GRM7: variants seen among roughly 807,000 people sequenced by gnomAD.
GRM7 encodes glutamate metabotropic receptor 7, also known as metabotropic glutamate receptor 7.
GRM7 carries 35 observed loss-of-function variants against 84.5 expected under a neutral mutation model. The observed-to-expected ratio is 0.41, with a 90% CI of 0.32 to 0.55. The LOEUF (loss-of-function observed/expected upper bound fraction) is 0.55. GRM7 is among the 20% of genes least tolerant of loss of function. The pLI, the probability that GRM7 is intolerant of heterozygous loss-of-function variation, is 0.19. For missense variants in GRM7, 1,003 were observed against 1,194.6 expected (o/e 0.84, Z 2.36); for synonymous variants, 487 against 455.1 (o/e 1.07, Z -0.89).
At chr3:7,135,540 G>C (rs771307302) in intron 1 of GRM7, among the ~76,000 whole-genome samples, 1 of 152,068 alleles carries the variant, frequency 6.6e-6, no homozygotes, top group African/African-American at 2.4e-5. Context: ...TTGCAGTTTT[G>C]TACTGCCCAC....
intron 4 of GRM7, among the ~76,000 whole-genome samples, chr3:7,389,429 T>G (rs1694905950): frequency 6.6e-6 from 1 of 152,132 alleles, no homozygotes; most frequent in Non-Finnish European, 1.5e-5. Flanking sequence ...GTTCTCTGCT[T>G]TGATTATTTG....
chr3:7,639,745 A>C (rs913712745), intron 8 of GRM7, among the ~76,000 whole-genome samples: 1 of 152,188 alleles, frequency 6.6e-6, no homozygotes, highest in Non-Finnish European at 1.5e-5. Flanking sequence ...TGAAATGTAC[A>C]AGTCTTAAAT....
At chr3:7,541,717 G>T (rs1171261317) in intron 7 of GRM7, among the ~76,000 whole-genome samples, 1 of 152,156 alleles carries the variant, frequency 6.6e-6, no homozygotes, top group Non-Finnish European at 1.5e-5. Flanking sequence ...TCCCTTGGCT[G>T]CCTTGGCTTG....
intron 1 of GRM7, among the ~76,000 whole-genome samples, chr3:6,933,648 C>T (rs1467606783): frequency 6.6e-6 from 1 of 151,898 alleles, no homozygotes; most frequent in Non-Finnish European, 1.5e-5. Context: ...TTTAAGTCCT[C>T]TCCTTGAAAG....
intron 9 of GRM7, among the ~76,000 whole-genome samples, chr3:7,735,842 G>T (rs1222928582): frequency 6.6e-6 from 1 of 152,080 alleles, no homozygotes; most frequent in Non-Finnish European, 1.5e-5. Flanking sequence ...TATATTAAAG[G>T]CTTTTGAAAT....
At chr3:7,407,748 A>G (rs879617188) in intron 4 of GRM7, among the ~76,000 whole-genome samples, 4 of 152,262 alleles carry the variant, frequency 2.6e-5, no homozygotes, top group African/African-American at 9.6e-5. Context: ...TAGACTTAGC[A>G]TAAGTCAAGT....
At chr3:7,405,915 CA>C (rs1346426863) in intron 4 of GRM7, among the ~76,000 whole-genome samples, 2 of 151,778 alleles carry the variant, frequency 1.3e-5, no homozygotes, top group Non-Finnish European at 2.9e-5. Flanking sequence ...TTGACACTGA[CA>C]TTCATTGTTA....
intron 1 of GRM7, among the ~76,000 whole-genome samples, chr3:6,921,313 T>C (rs780233159): frequency 6.6e-6 from 1 of 152,160 alleles, no homozygotes; most frequent in Non-Finnish European, 1.5e-5. Flanking sequence ...GCAATTTCCA[T>C]GAGAGCCTTC....
At chr3:6,893,939 A>T (rs1424214421) in intron 1 of GRM7, 1 of 152,118 alleles carries the variant, frequency 6.6e-6, no homozygotes, top group African/African-American at 2.4e-5. Context: ...CTCCTTTAGC[A>T]TTTTCTATTA....
At chr3:6,878,176 G>T (rs1016051586) in intron 1 of GRM7, among the ~76,000 whole-genome samples, 12 of 151,954 alleles carry the variant, frequency 7.9e-5, no homozygotes, top group Non-Finnish European at 8.8e-5. Context: ...ATTTCTCTTT[G>T]TATTTACATT....
intron 1 of GRM7, among the ~76,000 whole-genome samples, chr3:7,019,504 C>T (rs1464913865): frequency 6.6e-6 from 1 of 152,132 alleles, no homozygotes; most frequent in East Asian, 1.9e-4. Flanking sequence ...CTCATGTCTC[C>T]CGACAAATAT....
intron 8 of GRM7, among the ~76,000 whole-genome samples, chr3:7,643,049 GT>G (rs2125106091): frequency 6.6e-6 from 1 of 152,248 alleles, no homozygotes; most frequent in East Asian, 1.9e-4. Flanking sequence ...GCTTTTTGCA[GT>G]TTGTCACAGA....
At chr3:7,618,100 C>T (rs2125085791) in intron 8 of GRM7, among the ~76,000 whole-genome samples, 1 of 152,224 alleles carries the variant, frequency 6.6e-6, no homozygotes, top group Admixed American at 6.5e-5. Context: ...CAGAGGCAGG[C>T]AAACAAGTGC....
intron 4 of GRM7, among the ~76,000 whole-genome samples, chr3:7,334,228 A>G (rs1427936559): frequency 1.3e-5 from 2 of 152,100 alleles, no homozygotes; most frequent in African/African-American, 4.8e-5. Context: ...CTGTAAAGGA[A>G]AACCTATCAG....
intron 1 of GRM7, among the ~76,000 whole-genome samples, chr3:7,089,011 A>G (rs1020044155): frequency 4.5e-4 from 69 of 152,130 alleles, no homozygotes; most frequent in African/African-American, 1.6e-3. Flanking sequence ...TCCAACCAAA[A>G]GCAAATGTCG....
chr3:7,398,024 A>T lies in GRM7; in HGVS notation c.1034-16999A>T, dbSNP rs368166163. 4.6e-5 allele frequency among the ~76,000 whole-genome samples: 7 copies of T among 152,266 alleles called. No homozygotes were observed. In the South Asian group the frequency reaches 1.2e-3, roughly 27 times the overall value. On this transcript the variant is annotated intron_variant, in intron 4 of 9. Coordinates refer to ENST00000357716, the MANE Select transcript of GRM7 (RefSeq NM_000844.4). Reference sequence around the variant, plus strand: ...CACCAACCCCCCACCAAAAACTTATAATTTTAGTAAAAGACGAAAAGAAAG... The same window carrying T: ...CACCAACCCCCCACCAAAAACTTATTATTTTAGTAAAAGACGAAAAGAAAG...
chr3:7,674,397 G>A (rs1700049315), intron 8 of GRM7, among the ~76,000 whole-genome samples: 1 of 152,034 alleles, frequency 6.6e-6, no homozygotes, highest in African/African-American at 2.4e-5. Context: ...TTGCCACATT[G>A]GCCAGGCTGG....
intron 1 of GRM7, among the ~76,000 whole-genome samples, chr3:7,011,536 C>A (rs1285352950): frequency 3.9e-5 from 6 of 152,128 alleles, no homozygotes; most frequent in African/African-American, 1.4e-4. Flanking sequence ...ACTTTTTATA[C>A]TCAGTTTAAT....
intron 1 of GRM7, among the ~76,000 whole-genome samples, chr3:6,874,544 T>G (rs748704602): frequency 1.3e-5 from 2 of 152,152 alleles, no homozygotes; most frequent in Admixed American, 6.5e-5. Context: ...CTTCTCCCAC[T>G]CGGGTAGGAA....
Sources: gnomAD v4.1 joint callset for allele counts (sites outside exome capture counted in the v4.1 genomes callset) on GRCh38, gnomAD v4.1.1 for gene constraint, MANE v1.5 for transcripts, NCBI Gene and HGNC (gene_info 2026-07-23, HGNC 2026-07-21) for gene names.